USP34: variants seen among roughly 807,000 people sequenced by gnomAD.
The protein encoded by USP34 is ubiquitin carboxyl-terminal hydrolase 34.
In USP34, 70 loss-of-function variants were observed where a neutral mutation model predicts 460.3. The ratio of observed to expected loss-of-function variants is 0.15; its 90% CI spans 0.13 to 0.19. USP34 has a LOEUF of 0.19. Among genes scored for constraint, USP34 ranks in the 10% least tolerant of loss-of-function variants. The pLI, the probability that USP34 is intolerant of heterozygous loss-of-function variation, is 1.00. For missense variants in USP34, 3,985 were observed against 4,236.2 expected, an observed-to-expected ratio of 0.94 and a Z score of 1.65; for synonymous variants, 1,647 against 1,405.3, an observed-to-expected ratio of 1.17 and a Z score of -3.85.
chr2:61,367,484 A>G (rs1222962077), intron 10 of USP34, among the ~76,000 whole-genome samples: 1 of 152,160 alleles, frequency 6.6e-6, no homozygotes, highest in African/African-American at 2.4e-5. Context: ...TCTCAAACAA[A>G]CAAGCACACA....
intron 67 of USP34, among the ~76,000 whole-genome samples, chr2:61,216,594 C>T (rs1687403713): frequency 6.7e-6 from 1 of 150,258 alleles, no homozygotes; most frequent in South Asian, 2.1e-4. Flanking sequence ...AGTGAGACTC[C>T]ATCTCAAAAA....
chr2:61,364,683 C>G (rs1026279018), intron 10 of USP34, among the ~76,000 whole-genome samples: 2 of 152,166 alleles, frequency 1.3e-5, no homozygotes, highest in African/African-American at 4.8e-5. Context: ...TATCCCAGCA[C>G]TTTGGGAGGT....
chr2:61,425,011 G>C (rs545461910), intron 1 of USP34, among the ~76,000 whole-genome samples: 7 of 152,182 alleles, frequency 4.6e-5, no homozygotes, highest in Non-Finnish European at 8.8e-5. Flanking sequence ...GTAGAGACAG[G>C]GTTTCACCAC....
At chr2:61,419,687 C>T (rs1215664818) in intron 2 of USP34, among the ~76,000 whole-genome samples, 2 of 150,964 alleles carry the variant, frequency 1.3e-5, no homozygotes, top group African/African-American at 4.9e-5. Context: ...CCTAGTATAA[C>T]ATGTTGCCAC....
Position 61,269,426 on chromosome 2 carries a change from A to G in USP34, c.5434-3259T>C, listed in dbSNP as rs892552950. 2.3e-4 allele frequency among the ~76,000 whole-genome samples: 35 copies of G among 151,978 alleles called. 1 individual carries two copies. Among genetic ancestry groups the G allele is most frequent in the South Asian group, 4.2e-4 (2 of 4,816 alleles). On this transcript the variant is annotated intron_variant, in intron 41 of 79. Coordinates refer to ENST00000398571, the MANE Select transcript of USP34 (RefSeq NM_014709.4). Reference sequence around the variant, plus strand: ...AGCAATCCTTTTGCCTCGACCTTACAAAGTGCTGGGATTACAGTTGAGAGT... The same window carrying G: ...AGCAATCCTTTTGCCTCGACCTTACGAAGTGCTGGGATTACAGTTGAGAGT...
At chr2:61,402,920 T>C (rs1272839145) in intron 3 of USP34, among the ~76,000 whole-genome samples, 1 of 152,178 alleles carries the variant, frequency 6.6e-6, no homozygotes, top group Non-Finnish European at 1.5e-5. Flanking sequence ...TAAGACCATT[T>C]GAAACAGTTG....
At chr2:61,242,097 T>C (rs567422079) in intron 51 of USP34, among the ~76,000 whole-genome samples, 164 of 152,174 alleles carry the variant, frequency 1.1e-3, no homozygotes, top group African/African-American at 3.0e-3. Flanking sequence ...AGAAAACAAA[T>C]GATGACAGTG....
chr2:61,470,367 T>C (rs1431094209), intron 1 of USP34, among the ~76,000 whole-genome samples: 1 of 151,980 alleles, frequency 6.6e-6, no homozygotes, highest in African/African-American at 2.4e-5. Flanking sequence ...CCTTCATTAA[T>C]TGACACCTGT....
intron 18 of USP34, among the ~76,000 whole-genome samples, chr2:61,334,459 C>T (rs1344659539): frequency 6.6e-6 from 1 of 152,074 alleles, no homozygotes; most frequent in Non-Finnish European, 1.5e-5. Flanking sequence ...GGAACAGGTA[C>T]AGGACAGATA....
chr2:61,343,028 AG>A (rs1388313853), intron 16 of USP34, among the ~76,000 whole-genome samples: 17 of 152,350 alleles, frequency 1.1e-4, no homozygotes, highest in Admixed American at 9.8e-4. Flanking sequence ...CATACAAATC[AG>A]TAAATTGTTG....
chr2:61,293,339 T>C (rs941588009), intron 33 of USP34, 125 bp downstream of exon 33: 3 of 556,668 alleles, frequency 5.4e-6, no homozygotes, highest in Admixed American at 3.7e-5. Flanking sequence ...TTTAAATTCA[T>C]TTCTGCTATA....
chr2:61,191,338 A>G (rs1419341947), intron 76 of USP34: 2 of 152,376 alleles, frequency 1.3e-5, no homozygotes, highest in African/African-American at 4.8e-5. Context: ...GTGCATTTTA[A>G]TAATTTATAT....
intron 76 of USP34, 124 bp from the exon 77 acceptor site, chr2:61,190,782 A>C: frequency 8.1e-7 from 1 of 1,241,694 alleles, no homozygotes; most frequent in East Asian, 2.5e-5. Flanking sequence ...TGAAAATCCT[A>C]CTTGAAAAGC....
intron 75 of USP34, among the ~76,000 whole-genome samples, chr2:61,195,867 T>G (rs545992871): frequency 1.3e-5 from 2 of 152,048 alleles, no homozygotes; most frequent in African/African-American, 4.8e-5. Flanking sequence ...TCTCTAGTCA[T>G]TTCTCCCCTA....
chr2:61,420,781 G>C lies in USP34; in HGVS notation c.96C>G (p.Leu32=), dbSNP rs1694331999. ...DGLQLRKEHT[L]KIFTYINSWT... The stretch of plus-strand genomic sequence containing the variant: ...AGGAATTGATATAAGTAAATATTTT[G>C]AGAGTATGTTCCTTTCTGAGCTGCA... The change falls in exon 2 of 80, where the codon CTC becomes CTG. Residue 32 remains leucine, a synonymous_variant. Transcript: ENST00000398571. 6.2e-7 allele frequency: 1 copy of C among 1,610,880 alleles called. No homozygotes were observed. Among genetic ancestry groups the C allele is most frequent in the Non-Finnish European group, 8.5e-7 (1 of 1,178,480 alleles).
At chr2:61,452,396 C>G (rs1468860542) in intron 1 of USP34, among the ~76,000 whole-genome samples, 1 of 142,344 alleles carries the variant, frequency 7.0e-6, no homozygotes, top group Admixed American at 7.4e-5. Context: ...GCGATCTCAG[C>G]TCATTGCAAC....
rs6729158 is a variant in USP34, at chr2:61,307,817, G to A, written c.3817+3723C>T. ...AATCCAAGGACTTTGGACGGCCAAG[G>A]GGGGAGGATAGCTTGAGACCAGGAG... On this transcript the variant is annotated intron_variant, in intron 27 of 79. Coordinates refer to ENST00000398571, the MANE Select transcript of USP34 (RefSeq NM_014709.4). Among the ~76,000 whole-genome samples the A allele has an allele frequency of 5.9e-5, 9 of 152,110 alleles. No individual in the cohort carries two copies. In the East Asian group the frequency reaches 1.7e-3, roughly 29 times the overall value.
chr2:61,392,575 G>A (rs1391813461), intron 5 of USP34, among the ~76,000 whole-genome samples: 1 of 152,108 alleles, frequency 6.6e-6, no homozygotes, highest in Non-Finnish European at 1.5e-5. Context: ...AGTGAGCCAA[G>A]ATGGTGCCAC....
chr2:61,242,461 ACACACACACACACACACAC>A (rs1210864219), intron 51 of USP34, among the ~76,000 whole-genome samples: 4 of 45,710 alleles, frequency 8.8e-5, no homozygotes, highest in African/African-American at 3.1e-4. Context: ...TAATACATAC[ACACACACACACACACACAC>A]ACACACACAC....
Sources: gnomAD v4.1 joint callset for allele counts (sites outside exome capture counted in the v4.1 genomes callset) on GRCh38, gnomAD v4.1.1 for gene constraint, MANE v1.5 for transcripts, NCBI Gene and HGNC (gene_info 2026-07-23, HGNC 2026-07-21) for gene names.